The following P3H2 variants were observed in gnomAD, a reference collection of about 807,000 sequenced individuals.
P3H2 encodes the protein prolyl 3-hydroxylase 2, also known as leprecan-like 1.
A neutral mutation model predicts 87.0 loss-of-function variants in P3H2; 80 were observed. The ratio of observed to expected loss-of-function variants is 0.92; its 90% confidence interval spans 0.77 to 1.11. The LOEUF is 1.11. Among genes scored for constraint, P3H2 ranks in the 50% least tolerant of loss-of-function variants. The probability of loss-of-function intolerance (pLI) is 0.00; values close to 1 mark genes in which losing one functional copy is unlikely to be tolerated. For missense variants in P3H2, 1,001 were observed against 923.9 expected, an observed-to-expected ratio of 1.08 and a Z score of -1.08; for synonymous variants, 367 against 359.3, an observed-to-expected ratio of 1.02 and a Z score of -0.24.
intron 13 of P3H2, among the ~76,000 whole-genome samples, chr3:189,965,272 T>C (rs919526106): frequency 2.0e-5 from 3 of 152,176 alleles, no homozygotes; most frequent in African/African-American, 7.2e-5. Flanking sequence ...ACATAGGTAC[T>C]CCCGGACTAC....
At chr3:189,983,342 C>A (rs995325172) in intron 7 of P3H2, 6 of 573,762 alleles carry the variant, frequency 1.0e-5, no homozygotes, top group Non-Finnish European at 1.9e-5. Flanking sequence ...TATTTCACTC[C>A]TCTAAATCTT....
At chr3:190,079,890 G>A in intron 1 of P3H2, among the ~76,000 whole-genome samples, 1 of 152,210 alleles carries the variant, frequency 6.6e-6, no homozygotes, top group African/African-American at 2.4e-5. Flanking sequence ...GGGGACAGGA[G>A]AGTATTAATG....
At chr3:189,987,843 T>C (rs912725699) in intron 4 of P3H2, 174 bp from the exon 5 acceptor site, 1 of 720,160 alleles carries the variant, frequency 1.4e-6, no homozygotes, top group Non-Finnish European at 2.3e-6. Flanking sequence ...AAAGACATGA[T>C]TTCAAGTATT....
At chr3:190,033,718 C>T (rs1725328081) in intron 1 of P3H2, among the ~76,000 whole-genome samples, 1 of 152,126 alleles carries the variant, frequency 6.6e-6, no homozygotes, top group Non-Finnish European at 1.5e-5. Flanking sequence ...CTATTCTTAC[C>T]AAGTTATCTG....
chr3:190,007,965 C>CACACACACACATATATATATATAT lies in P3H2; in HGVS notation c.481-12524_481-12523insATATATATATATATGTGTGTGTGT. On this transcript the variant is annotated intron_variant, in intron 1 of 14. Coordinates refer to ENST00000319332, the MANE Select transcript of P3H2 (RefSeq NM_018192.4). ...GCCTGAGACTCTATTTGTTGACACA[C>CACACACACACATATATATATATAT]ATATATATATATATATATATAGTAA... Among the ~76,000 whole-genome samples, 100 of 94,344 alleles carry CACACACACACATATATATATATAT rather than the reference C, an allele frequency of 1.1e-3. 2 individuals carry two copies. The East Asian group carries it at 0.015, about 14-fold the overall frequency. The allele number at this position is 94,344 out of a possible 152,430, so 61.9% of individuals were successfully genotyped here.
chr3:189,973,957 A>G lies in P3H2; in HGVS notation c.1500T>C (p.His500=). 6.2e-7 allele frequency: 1 copy of G among 1,614,160 alleles called. No individual in the cohort carries two copies. Among genetic ancestry groups the G allele is most frequent in the Non-Finnish European group, 8.5e-7 (1 of 1,180,006 alleles). The change falls in exon 10 of 15, where the codon CAT becomes CAC. Residue 500 remains histidine (H), a synonymous_variant. Transcript: ENST00000319332. ...GDGYRGKTSP[H]TPNEKFEGAT... ...CACCTTCAAACTTTTCATTGGGTGT[A>G]TGGGGTGAAGTTTTTCCTCTGTATC... is the stretch of plus-strand genomic sequence containing the variant.
At chr3:189,969,921 G>T in intron 13 of P3H2, 1 of 813,212 alleles carries the variant, frequency 1.2e-6, no homozygotes, top group Non-Finnish European at 2.2e-6. Flanking sequence ...AATGAAGTGG[G>T]CCAAAGAGCG....
chr3:190,083,060 T>C (rs1338325938), intron 1 of P3H2, among the ~76,000 whole-genome samples: 1 of 152,222 alleles, frequency 6.6e-6, no homozygotes, highest in Non-Finnish European at 1.5e-5. Context: ...CCTAAGGTCA[T>C]CAAATTCTCA....
At chr3:190,032,836 G>A (rs1522934) in intron 1 of P3H2, among the ~76,000 whole-genome samples, 120,780 of 151,504 alleles carry the variant, frequency 0.8, 48,167 homozygotes, top group East Asian at 0.86. Context: ...CCACGGTGGG[G>A]ATTGTGAGGA....
intron 8 of P3H2, among the ~76,000 whole-genome samples, chr3:189,979,279 T>A (rs1577251520): frequency 7.4e-6 from 1 of 135,768 alleles, no homozygotes; most frequent in African/African-American, 2.6e-5. Flanking sequence ...AAAAAAAAAA[T>A]TCGCTGGGCA....
chr3:190,111,845 C>G (rs838686), intron 1 of P3H2, among the ~76,000 whole-genome samples: 46,246 of 152,032 alleles, frequency 0.3, 7,328 homozygotes, highest in African/African-American at 0.39. Context: ...CTCAATGTCA[C>G]AATCACAGAC....
chr3:190,097,135 T>G (rs895180153), intron 1 of P3H2, among the ~76,000 whole-genome samples: 1 of 152,206 alleles, frequency 6.6e-6, no homozygotes, highest in African/African-American at 2.4e-5. Flanking sequence ...TTTCAGAGCA[T>G]GAATTTCAGA....
chr3:190,000,391 G>C (rs535547932), intron 1 of P3H2, among the ~76,000 whole-genome samples: 1 of 152,156 alleles, frequency 6.6e-6, no homozygotes, highest in Admixed American at 6.5e-5. Context: ...GAATACCTAC[G>C]TGGTCAAGAC....
chr3:190,050,988 T>C (rs929755855), intron 1 of P3H2, among the ~76,000 whole-genome samples: 1 of 152,192 alleles, frequency 6.6e-6, no homozygotes, highest in African/African-American at 2.4e-5. Context: ...AAATGCCTTC[T>C]GAAATTAGGA....
intron 8 of P3H2, among the ~76,000 whole-genome samples, chr3:189,978,278 T>C (rs1418202411): frequency 6.6e-6 from 1 of 152,242 alleles, no homozygotes; most frequent in African/African-American, 2.4e-5. Flanking sequence ...CAAAATATGA[T>C]TTTGAAAGTT....
chr3:189,966,609 T>C (rs556225072), intron 13 of P3H2, among the ~76,000 whole-genome samples: 49 of 152,326 alleles, frequency 3.2e-4, no homozygotes, highest in African/African-American at 1.0e-3. Context: ...AGCAAAAATA[T>C]GTTATGAAGT....
At chr3:190,058,012 T>C (rs993681079) in intron 1 of P3H2, among the ~76,000 whole-genome samples, 4 of 152,050 alleles carry the variant, frequency 2.6e-5, no homozygotes, top group Non-Finnish European at 5.9e-5. Flanking sequence ...GACAGAGGAA[T>C]AGCTGGGGCA....
At chr3:190,012,692 C>T (rs1370477691) in intron 1 of P3H2, among the ~76,000 whole-genome samples, 2 of 152,142 alleles carry the variant, frequency 1.3e-5, no homozygotes, top group Non-Finnish European at 2.9e-5. Context: ...CCATGAACAA[C>T]TAAATCCCAT....
intron 1 of P3H2, among the ~76,000 whole-genome samples, chr3:190,098,308 G>A (rs915290630): frequency 3.3e-5 from 5 of 152,060 alleles, no homozygotes; most frequent in African/African-American, 7.2e-5. Flanking sequence ...CTGTGGAATC[G>A]CTCTTATTGT....
Sources: allele counts gnomAD v4.1 joint callset (sites outside exome capture counted in the v4.1 genomes callset), GRCh38; gene constraint gnomAD v4.1.1; transcripts MANE v1.5; gene names NCBI Gene and HGNC (gene_info 2026-07-23, HGNC 2026-07-21).